Variants in CDH13 observed in about 807,000 individuals in gnomAD.
CDH13 encodes cadherin-13.
A neutral mutation model predicts 63.8 loss-of-function variants in CDH13; 24 were observed. That is an observed-to-expected ratio of 0.38 (90% CI 0.27 to 0.53). The LOEUF is 0.53. CDH13 is among the 20% of genes least tolerant of loss of function. The probability of loss-of-function intolerance (pLI) is 0.85; values close to 1 mark genes in which losing one functional copy is unlikely to be tolerated. For missense variants in CDH13, 1,049 were observed against 903.1 expected (o/e 1.16, Z -2.07); for synonymous variants, 503 against 355.3 (o/e 1.42, Z -4.67).
chr16:82,652,715 T>C (rs886922374), intron 1 of CDH13, among the ~76,000 whole-genome samples: 29 of 152,064 alleles, frequency 1.9e-4, no homozygotes, highest in African/African-American at 5.6e-4. Flanking sequence ...TGTTTTTTTT[T>C]TTTTTTTTCT....
rs749229886 is a variant in CDH13, at chr16:83,582,995, A to G, written c.961-19459A>G. Among the ~76,000 whole-genome samples, 10 of 152,268 alleles carry G rather than the reference A, an allele frequency of 6.6e-5. No individual in the cohort carries two copies. The East Asian group carries it at 1.5e-3, about 24-fold the overall frequency. On this transcript the variant is annotated intron_variant, in intron 7 of 13. Coordinates refer to ENST00000567109, the MANE Select transcript of CDH13 (RefSeq NM_001257.5). ...CTGAAATTTATTCAGTTTATTGACA[A>G]TCCTAGAGCCCTGAAGTCCAAAATC...
chr16:82,849,264 G>A (rs894634479), intron 1 of CDH13, among the ~76,000 whole-genome samples: 2 of 152,190 alleles, frequency 1.3e-5, no homozygotes, highest in African/African-American at 2.4e-5. Flanking sequence ...AGCACTTTCG[G>A]AGACCAAAGC....
At chr16:83,326,963 G>A (rs1415204463) in intron 5 of CDH13, among the ~76,000 whole-genome samples, 4 of 152,248 alleles carry the variant, frequency 2.6e-5, no homozygotes, top group East Asian at 1.9e-4. Context: ...CATCTCATCC[G>A]GCCACAGTCA....
intron 6 of CDH13, among the ~76,000 whole-genome samples, chr16:83,453,688 G>A (rs1396949366): frequency 1.3e-5 from 2 of 152,152 alleles, no homozygotes; most frequent in Admixed American, 6.5e-5. Context: ...TGAATTGGCT[G>A]TATGTGGGCA....
At chr16:82,759,741 G>A (rs2034757436) in intron 1 of CDH13, among the ~76,000 whole-genome samples, 1 of 151,990 alleles carries the variant, frequency 6.6e-6, no homozygotes, top group Non-Finnish European at 1.5e-5. Flanking sequence ...ATAGAGAATG[G>A]TCTATAGAAT....
chr16:83,100,099 C>G (rs970588903), intron 3 of CDH13, among the ~76,000 whole-genome samples: 1 of 152,192 alleles, frequency 6.6e-6, no homozygotes, highest in South Asian at 2.1e-4. Context: ...ATTAACTCAT[C>G]ACTCATTCAA....
chr16:83,246,443 T>G (rs1387671865), intron 5 of CDH13, among the ~76,000 whole-genome samples: 2 of 152,216 alleles, frequency 1.3e-5, no homozygotes, highest in Non-Finnish European at 2.9e-5. Context: ...TCTGCTTTGC[T>G]GACTTCTGTA....
chr16:82,748,920 C>G (rs1407887477), intron 1 of CDH13, among the ~76,000 whole-genome samples: 1 of 152,180 alleles, frequency 6.6e-6, no homozygotes, highest in African/African-American at 2.4e-5. Flanking sequence ...GTTGGCCAAT[C>G]AGATCACTAA....
At chr16:82,926,330 G>A (rs576548135) in intron 2 of CDH13, among the ~76,000 whole-genome samples, 1 of 151,588 alleles carries the variant, frequency 6.6e-6, no homozygotes, top group East Asian at 1.9e-4. Flanking sequence ...TTGTTTTGCA[G>A]ATCTCTTGCA....
chr16:82,812,251 A>G (rs901712734), intron 1 of CDH13, among the ~76,000 whole-genome samples: 10 of 152,254 alleles, frequency 6.6e-5, no homozygotes, highest in African/African-American at 2.2e-4. Context: ...ATCTTGCTGG[A>G]TCTGCAGGTC....
intron 6 of CDH13, among the ~76,000 whole-genome samples, chr16:83,384,122 A>T (rs763013718): frequency 4.6e-5 from 7 of 152,196 alleles, no homozygotes; most frequent in Non-Finnish European, 7.3e-5. Context: ...GTTCAAACTG[A>T]TATCTCCAAT....
At chr16:83,470,177 C>G (rs2073419111) in intron 6 of CDH13, among the ~76,000 whole-genome samples, 1 of 152,168 alleles carries the variant, frequency 6.6e-6, no homozygotes, top group African/African-American at 2.4e-5. Flanking sequence ...CTACTTCCCA[C>G]CTCCAGAACC....
intron 7 of CDH13, among the ~76,000 whole-genome samples, chr16:83,530,995 C>A (rs1458134424): frequency 3.3e-5 from 5 of 152,136 alleles, no homozygotes; most frequent in Non-Finnish European, 7.4e-5. Flanking sequence ...CATTTCCTGT[C>A]CTCTAAAGGG....
At chr16:82,817,170 GC>G (rs148692992) in intron 1 of CDH13, among the ~76,000 whole-genome samples, 8,576 of 151,610 alleles carry the variant, frequency 0.057, 343 homozygotes, top group East Asian at 0.17. Flanking sequence ...ATCACTCTTC[GC>G]CCCCCACTGC....
At chr16:83,456,305 C>T (rs1197154692) in intron 6 of CDH13, among the ~76,000 whole-genome samples, 2 of 152,192 alleles carry the variant, frequency 1.3e-5, no homozygotes, top group African/African-American at 4.8e-5. Flanking sequence ...GGCCAACGAC[C>T]TAGAGACAGG....
chr16:83,007,578 C>G (rs935099640), intron 2 of CDH13, among the ~76,000 whole-genome samples: 7 of 152,044 alleles, frequency 4.6e-5, no homozygotes, highest in African/African-American at 1.4e-4. Flanking sequence ...GCCTGTAACC[C>G]CAGCACTTTG....
chr16:83,053,150 A>G (rs767341501), intron 3 of CDH13, among the ~76,000 whole-genome samples: 10 of 152,228 alleles, frequency 6.6e-5, no homozygotes, highest in Non-Finnish European at 1.3e-4. Flanking sequence ...CATAGTAAGA[A>G]TTAAATAATA....
At chr16:82,983,029 T>G (rs2151388834) in intron 2 of CDH13, among the ~76,000 whole-genome samples, 1 of 152,284 alleles carries the variant, frequency 6.6e-6, no homozygotes, top group South Asian at 2.1e-4. Flanking sequence ...TGACCCCAGA[T>G]GCTGTACTCT....
intron 2 of CDH13, among the ~76,000 whole-genome samples, chr16:82,980,612 T>G (rs1461136655): frequency 6.6e-6 from 1 of 152,160 alleles, no homozygotes; most frequent in Non-Finnish European, 1.5e-5. Context: ...CTCCCAACAA[T>G]CTAGGAAGAT....
Sources: gnomAD v4.1 joint callset for allele counts (sites outside exome capture counted in the v4.1 genomes callset) on GRCh38, gnomAD v4.1.1 for gene constraint, MANE v1.5 for transcripts, NCBI Gene and HGNC (gene_info 2026-07-23, HGNC 2026-07-21) for gene names.